The following TENM3 variants were observed in gnomAD, a reference collection of about 807,000 sequenced individuals.
TENM3 encodes the protein teneurin transmembrane protein 3, also known as teneurin-3.
Under a neutral mutation model 255.1 loss-of-function variants are expected in TENM3, and 63 were observed. That is an observed-to-expected ratio of 0.25 (90% CI 0.20 to 0.30). TENM3 has a LOEUF of 0.30. Among genes scored for constraint, TENM3 ranks in the 10% least tolerant of loss-of-function variants. TENM3 has a pLI of 1.00. For missense variants in TENM3, 2,929 were observed against 3,461.1 expected, an observed-to-expected ratio of 0.85 and a Z score of 3.86; for synonymous variants, 1,306 against 1,322.3, an observed-to-expected ratio of 0.99 and a Z score of 0.27.
the TENM3 span, among the ~76,000 whole-genome samples, chr4:181,973,276 A>G: frequency 3.9e-5 from 6 of 152,216 alleles, no homozygotes; most frequent in Non-Finnish European, 7.3e-5. Context: ...CTTGGGTGGC[A>G]TCAGTGAACA....
At chr4:182,325,688 G>A (rs1226024274) in intron 2 of TENM3, among the ~76,000 whole-genome samples, 1 of 151,866 alleles carries the variant, frequency 6.6e-6, no homozygotes, top group Non-Finnish European at 1.5e-5. Context: ...TGCACCAAAT[G>A]TGAAGTCTTG....
the TENM3 span, among the ~76,000 whole-genome samples, chr4:181,983,840 C>G: frequency 6.6e-6 from 1 of 152,040 alleles, no homozygotes; most frequent in Non-Finnish European, 1.5e-5. Context: ...CTGAACTCGT[C>G]TCAAAAATCC....
chr4:182,550,582 G>A (rs1431337343), intron 3 of TENM3, among the ~76,000 whole-genome samples: 1 of 152,076 alleles, frequency 6.6e-6, no homozygotes, highest in Non-Finnish European at 1.5e-5. Context: ...AGCCTCTGAA[G>A]CTTGCTTAAA....
At chr4:181,814,760 T>C in the TENM3 span, among the ~76,000 whole-genome samples, 2 of 152,258 alleles carry the variant, frequency 1.3e-5, no homozygotes, top group Non-Finnish European at 1.5e-5. Flanking sequence ...TCCCAAAACA[T>C]CTAGGCCCTA....
At chr4:182,752,242 A>G (rs1762427561) in intron 20 of TENM3, among the ~76,000 whole-genome samples, 1 of 152,114 alleles carries the variant, frequency 6.6e-6, no homozygotes, top group Admixed American at 6.5e-5. Context: ...TACAGTAAAT[A>G]CTAGGTTCTT....
At chr4:182,360,238 C>G (rs1380129845) in intron 3 of TENM3, among the ~76,000 whole-genome samples, 1 of 127,394 alleles carries the variant, frequency 7.8e-6, no homozygotes, top group Middle Eastern at 3.6e-3. Flanking sequence ...CTATTAGGTC[C>G]GCTTGGTGCA....
chr4:181,460,127 A>T, the TENM3 span, among the ~76,000 whole-genome samples: 1 of 151,982 alleles, frequency 6.6e-6, no homozygotes, highest in Non-Finnish European at 1.5e-5. Context: ...TGTCACAAAT[A>T]CATAGAAATA....
chr4:182,785,883 A>G (rs901389062), intron 24 of TENM3, among the ~76,000 whole-genome samples: 3 of 152,118 alleles, frequency 2.0e-5, no homozygotes, highest in South Asian at 4.1e-4. Flanking sequence ...TTTGTTCACA[A>G]CACCCAAAGG....
chr4:182,474,795 C>G (rs1209452476), intron 3 of TENM3, among the ~76,000 whole-genome samples: 1 of 152,002 alleles, frequency 6.6e-6, no homozygotes. Flanking sequence ...TATCATAATT[C>G]TATTTTATTT....
At chr4:182,107,891 A>AT in the TENM3 span, among the ~76,000 whole-genome samples, 1 of 152,124 alleles carries the variant, frequency 6.6e-6, no homozygotes, top group African/African-American at 2.4e-5. Flanking sequence ...TACTTTACCC[A>AT]TTTTTTAGAT....
At chr4:182,104,625 C>T in the TENM3 span, among the ~76,000 whole-genome samples, 1 of 150,834 alleles carries the variant, frequency 6.6e-6, no homozygotes, top group African/African-American at 2.4e-5. Flanking sequence ...GATTCTCCTG[C>T]CTCAGCCTCC....
the TENM3 span, among the ~76,000 whole-genome samples, chr4:181,653,394 T>TTTTGTTTGTTTG: frequency 6.8e-4 from 103 of 151,322 alleles, no homozygotes; most frequent in Middle Eastern, 3.2e-3. Flanking sequence ...CATTGTTTTG[T>TTTTGTTTGTTTG]TTTGTTTGTT....
the TENM3 span, among the ~76,000 whole-genome samples, chr4:181,721,492 C>A: frequency 7.9e-6 from 1 of 126,618 alleles, no homozygotes. Flanking sequence ...CCCAGCTACT[C>A]GGGAGGCTGA....
intron 2 of TENM3, among the ~76,000 whole-genome samples, chr4:182,328,468 G>C (rs190676635): frequency 6.6e-6 from 1 of 152,124 alleles, no homozygotes; most frequent in East Asian, 1.9e-4. Context: ...CGCCCACCTC[G>C]GCCTCCCAAA....
At chr4:182,438,212 A>G (rs1191253290) in intron 3 of TENM3, among the ~76,000 whole-genome samples, 1 of 152,140 alleles carries the variant, frequency 6.6e-6, no homozygotes, top group African/African-American at 2.4e-5. Context: ...GTGAGCTGTG[A>G]TGTTTCTTTG....
the TENM3 span, among the ~76,000 whole-genome samples, chr4:181,781,552 T>C: frequency 6.6e-6 from 1 of 152,218 alleles, no homozygotes; most frequent in African/African-American, 2.4e-5. Flanking sequence ...TATACAGTCA[T>C]GTCATCTGCA....
the TENM3 span, among the ~76,000 whole-genome samples, chr4:181,813,666 C>A: frequency 2.0e-5 from 3 of 152,142 alleles, no homozygotes; most frequent in Non-Finnish European, 2.9e-5. Context: ...GAAATATTAA[C>A]CACATTTTCA....
At chr4:181,916,746 G>A in the TENM3 span, among the ~76,000 whole-genome samples, 441 of 152,108 alleles carry the variant, frequency 2.9e-3, 2 homozygotes, top group Middle Eastern at 0.017. Flanking sequence ...GCATGGTGGC[G>A]CGTGCTCGTA....
chr4:182,618,209 T>A (rs1749730780), intron 4 of TENM3, among the ~76,000 whole-genome samples: 1 of 152,158 alleles, frequency 6.6e-6, no homozygotes, highest in Admixed American at 6.6e-5. Flanking sequence ...AGGAAATGAC[T>A]CAAACCACTT....
Sources: gnomAD v4.1 joint callset for allele counts (sites outside exome capture counted in the v4.1 genomes callset) on GRCh38, gnomAD v4.1.1 for gene constraint, MANE v1.5 for transcripts, NCBI Gene and HGNC (gene_info 2026-07-23, HGNC 2026-07-21) for gene names.